SPOCK3: variants seen among roughly 807,000 people sequenced by gnomAD.
SPOCK3 encodes SPARC (osteonectin), cwcv and kazal like domains proteoglycan 3.
SPOCK3 carries 30 observed loss-of-function variants against 56.6 expected under a neutral mutation model. The ratio of observed to expected loss-of-function variants is 0.53; its 90% confidence interval spans 0.40 to 0.72. SPOCK3 has a LOEUF of 0.72. Among genes scored for constraint, SPOCK3 ranks in the 30% least tolerant of loss-of-function variants. The pLI is 0.00. For missense variants in SPOCK3, 527 were observed against 530.0 expected, an observed-to-expected ratio of 0.99 and a Z score of 0.06; for synonymous variants, 196 against 183.3, an observed-to-expected ratio of 1.07 and a Z score of -0.56.
chr4:167,178,168 ATCT>A (rs1023645456), intron 2 of SPOCK3, among the ~76,000 whole-genome samples: 1 of 152,070 alleles, frequency 6.6e-6, no homozygotes, highest in African/African-American at 2.4e-5. Context: ...CACCACAAAG[ATCT>A]TCTAAGAGGT....
At chr4:167,151,831 TCTAA>T (rs564955007) in intron 2 of SPOCK3, among the ~76,000 whole-genome samples, 52 of 152,288 alleles carry the variant, frequency 3.4e-4, no homozygotes, top group African/African-American at 1.1e-3. Context: ...ATATCTTTCC[TCTAA>T]CTGTGAAAAT....
chr4:167,160,401 C>G (rs1459377066), intron 2 of SPOCK3, among the ~76,000 whole-genome samples: 2 of 152,040 alleles, frequency 1.3e-5, no homozygotes, highest in Non-Finnish European at 2.9e-5. Context: ...AGGATACAAA[C>G]AAATGGAAGA....
chr4:167,064,550 C>G (rs564474600), intron 2 of SPOCK3, among the ~76,000 whole-genome samples: 1 of 151,774 alleles, frequency 6.6e-6, no homozygotes, highest in East Asian at 2.0e-4. Context: ...ATGTATCTTA[C>G]TATTTGAGGA....
At chr4:166,789,386 G>A (rs1363094129) in intron 7 of SPOCK3, among the ~76,000 whole-genome samples, 2 of 151,880 alleles carry the variant, frequency 1.3e-5, no homozygotes, top group Admixed American at 6.6e-5. Flanking sequence ...CCGAGATCAC[G>A]CCATTGCACT....
chr4:167,183,730 T>C (rs936621050), intron 2 of SPOCK3, among the ~76,000 whole-genome samples: 3 of 151,988 alleles, frequency 2.0e-5, no homozygotes, highest in South Asian at 2.1e-4. Flanking sequence ...CTTTGAAAAA[T>C]AGAATGAAGA....
chr4:166,855,595 G>GA lies in SPOCK3; in HGVS notation c.589+33534dup, dbSNP rs200749455. Among the ~76,000 whole-genome samples, 421 of 150,594 alleles carry GA rather than the reference G, an allele frequency of 2.8e-3. 3 individuals are homozygous for GA. The highest frequency in any genetic ancestry group is 9.3e-3 in the African/African-American group (385 of 41,308). On this transcript the variant is annotated intron_variant, in intron 6 of 10. Transcript: ENST00000357545. ...AATATTTTGTATGCACAGGAAAAAA[G>GA]AAAAAAAACAAAAAATGTGGTTCTT...
intron 3 of SPOCK3, among the ~76,000 whole-genome samples, chr4:167,047,284 T>C (rs1314986768): frequency 6.6e-6 from 1 of 152,080 alleles, no homozygotes; most frequent in African/African-American, 2.4e-5. Flanking sequence ...TAAAAATAAT[T>C]TGAGTAGAGA....
intron 6 of SPOCK3, among the ~76,000 whole-genome samples, chr4:166,860,760 T>C (rs975780657): frequency 2.7e-5 from 3 of 112,560 alleles, no homozygotes; most frequent in Non-Finnish European, 5.2e-5. Context: ...CATTCCTCAC[T>C]CAGAACACAG....
intron 8 of SPOCK3, among the ~76,000 whole-genome samples, chr4:166,745,672 C>T (rs1678468153): frequency 6.6e-6 from 1 of 152,070 alleles, no homozygotes; most frequent in Admixed American, 6.5e-5. Context: ...CTAAATGCCC[C>T]AGTTAAAAGA....
intron 10 of SPOCK3, among the ~76,000 whole-genome samples, chr4:166,735,591 A>C (rs981105790): frequency 1.3e-5 from 2 of 151,774 alleles, no homozygotes; most frequent in African/African-American, 4.9e-5. Flanking sequence ...TTAGGTTCTT[A>C]AAATAAAAAA....
chr4:167,195,205 G>C (rs1281874830), intron 2 of SPOCK3, among the ~76,000 whole-genome samples: 1 of 152,186 alleles, frequency 6.6e-6, no homozygotes, highest in African/African-American at 2.4e-5. Flanking sequence ...AGGCAAGATT[G>C]TTCTCAGACT....
At chr4:167,187,547 G>T (rs1322921494) in intron 2 of SPOCK3, among the ~76,000 whole-genome samples, 2 of 151,918 alleles carry the variant, frequency 1.3e-5, no homozygotes, top group East Asian at 3.9e-4. Flanking sequence ...GGCATTAGAG[G>T]TATTTCTTGC....
At chr4:167,045,879 C>T (rs1187582559) in intron 3 of SPOCK3, among the ~76,000 whole-genome samples, 1 of 152,118 alleles carries the variant, frequency 6.6e-6, no homozygotes, top group Non-Finnish European at 1.5e-5. Context: ...ATTTTACCCT[C>T]CCTTGTTCTT....
At chr4:167,185,871 C>T (rs1213612891) in intron 2 of SPOCK3, among the ~76,000 whole-genome samples, 1 of 152,130 alleles carries the variant, frequency 6.6e-6, no homozygotes, top group Non-Finnish European at 1.5e-5. Context: ...ACCCTTATCC[C>T]AGATTCTGAT....
intron 6 of SPOCK3, among the ~76,000 whole-genome samples, chr4:166,802,689 A>G (rs1361001445): frequency 6.6e-6 from 1 of 152,094 alleles, no homozygotes; most frequent in Non-Finnish European, 1.5e-5. Context: ...AGGGGTCACA[A>G]ATGTTCAGCC....
At chr4:166,979,476 C>T (rs532186453) in intron 4 of SPOCK3, among the ~76,000 whole-genome samples, 11 of 152,196 alleles carry the variant, frequency 7.2e-5, no homozygotes, top group Non-Finnish European at 1.5e-4. Context: ...TCCCTTCACT[C>T]CTCCATCTGT....
At chr4:166,876,544 A>G (rs1733105643) in intron 6 of SPOCK3, among the ~76,000 whole-genome samples, 1 of 152,214 alleles carries the variant, frequency 6.6e-6, no homozygotes. Flanking sequence ...GCAAACGATA[A>G]TGTTGAATAG....
At chr4:166,812,498 G>C (rs889498482) in intron 6 of SPOCK3, among the ~76,000 whole-genome samples, 5 of 151,874 alleles carry the variant, frequency 3.3e-5, no homozygotes, top group African/African-American at 1.2e-4. Context: ...GTATGCAGGT[G>C]ATAGAGATTC....
chr4:167,074,459 C>A lies in SPOCK3; in HGVS notation c.190-11922G>T, dbSNP rs62352440. ...TTCCTTGCTAAGTTTTGAACTGAGG[C>A]CTTCAGTTTCTCACTGGCTCAGTTC... On this transcript the variant is annotated intron_variant, in intron 2 of 10. Coordinates refer to ENST00000357545, the MANE Select transcript of SPOCK3 (RefSeq NM_001040159.2). Among the ~76,000 whole-genome samples, 982 of 151,962 alleles carry A rather than the reference C, an allele frequency of 6.5e-3. 4 individuals carry two copies. The highest frequency in any genetic ancestry group is 0.012 in the Non-Finnish European group (798 of 67,892).
Sources: gnomAD v4.1 joint callset for allele counts (sites outside exome capture counted in the v4.1 genomes callset) on GRCh38, gnomAD v4.1.1 for gene constraint, MANE v1.5 for transcripts, NCBI Gene and HGNC (gene_info 2026-07-23, HGNC 2026-07-21) for gene names.